GSAP: variants seen among roughly 807,000 people sequenced by gnomAD.
The protein encoded by GSAP is gamma-secretase activating protein.
GSAP carries 118 observed loss-of-function variants against 131.7 expected under a neutral mutation model. The ratio of observed to expected loss-of-function variants is 0.90; its 90% CI spans 0.77 to 1.04. The LOEUF (loss-of-function observed/expected upper bound fraction) is 1.04, where lower values mean the gene tolerates loss of function less well. Among genes scored for constraint, GSAP ranks in the 50% least tolerant of loss-of-function variants. The probability of loss-of-function intolerance (pLI) is 0.00; values close to 1 mark genes in which losing one functional copy is unlikely to be tolerated. For missense variants in GSAP, 1,019 were observed against 1,013.2 expected, an observed-to-expected ratio of 1.01 and a Z score of -0.08; for synonymous variants, 381 against 363.4, an observed-to-expected ratio of 1.05 and a Z score of -0.55.
intron 19 of GSAP, among the ~76,000 whole-genome samples, chr7:77,334,603 A>AAAAAAAAAAAAAAAAAAAAAAAAAAAC: frequency 6.7e-6 from 1 of 150,052 alleles, no homozygotes; most frequent in Non-Finnish European, 1.5e-5. Flanking sequence ...AAAAAAAAAA[A>AAAAAAAAAAAAAAAAAAAAAAAAAAAC]AAAGATGAAC....
intron 1 of GSAP, among the ~76,000 whole-genome samples, chr7:77,414,933 C>A (rs1804051241): frequency 7.5e-6 from 1 of 133,178 alleles, no homozygotes; most frequent in Non-Finnish European, 1.5e-5. Flanking sequence ...TCTCGGCTCA[C>A]TGCAACCTCT....
At chr7:77,392,148 G>A (rs928182976) in intron 5 of GSAP, among the ~76,000 whole-genome samples, 3 of 151,860 alleles carry the variant, frequency 2.0e-5, no homozygotes, top group Non-Finnish European at 4.4e-5. Flanking sequence ...TCTGAACCTG[G>A]GAGGCGGAGG....
intron 3 of GSAP, among the ~76,000 whole-genome samples, chr7:77,398,236 T>A (rs548000394): frequency 6.6e-6 from 1 of 152,262 alleles, no homozygotes; most frequent in African/African-American, 2.4e-5. Context: ...GTTACTAGTA[T>A]CTGCACACTA....
chr7:77,322,113 C>T (rs920168390), intron 24 of GSAP, among the ~76,000 whole-genome samples: 10 of 152,330 alleles, frequency 6.6e-5, no homozygotes, highest in African/African-American at 1.2e-4. Context: ...GGGCTAAAAA[C>T]GGGGCAAAGC....
intron 3 of GSAP, among the ~76,000 whole-genome samples, chr7:77,397,661 T>C (rs1252515895): frequency 6.6e-6 from 1 of 152,194 alleles, no homozygotes; most frequent in African/African-American, 2.4e-5. Flanking sequence ...GTTAACAGCA[T>C]AGACATTGGA....
intron 22 of GSAP, chr7:77,328,341 G>A: frequency 8.2e-7 from 1 of 1,220,382 alleles, no homozygotes; most frequent in Non-Finnish European, 1.0e-6. Flanking sequence ...AGCTCTGTAT[G>A]ACAGGAAATA....
In GSAP at chr7:77,368,107, A is replaced by G. The variant is rs374769414; in HGVS notation, c.872-5447T>C. Reference sequence around the variant, plus strand: ...TCTTCTCTCGTCTTCTTAGTCTAGCATGGGTTCCTGGAGTTGTACATTTAC... The same window carrying G: ...TCTTCTCTCGTCTTCTTAGTCTAGCGTGGGTTCCTGGAGTTGTACATTTAC... On this transcript the variant is annotated intron_variant, in intron 12 of 30. Coordinates refer to ENST00000257626, the MANE Select transcript of GSAP (RefSeq NM_017439.4). Among the ~76,000 whole-genome samples the G allele has an allele frequency of 1.1e-4, 17 of 152,144 alleles. 2 individuals are homozygous for G. Among genetic ancestry groups the G allele is most frequent in the Admixed American group, 9.8e-4 (15 of 15,280 alleles).
At chr7:77,334,681 A>C (rs1299886660) in intron 19 of GSAP, among the ~76,000 whole-genome samples, 3 of 151,888 alleles carry the variant, frequency 2.0e-5, no homozygotes, top group Non-Finnish European at 4.4e-5. Flanking sequence ...TGTACTCATC[A>C]GGAACAACAG....
In GSAP at chr7:77,392,149, G is replaced by A. The variant is rs370504390; in HGVS notation, c.368-4701C>T. Among the ~76,000 whole-genome samples, 597 of 151,912 alleles carry A rather than the reference G, an allele frequency of 3.9e-3. 6 individuals are homozygous for A. The highest frequency in any genetic ancestry group is 7.4e-3 in the African/African-American group (305 of 41,400). ...CTGAGGCAGGAGAATCTGAACCTGG[G>A]AGGCGGAGGTTACAGTGAGCCGAGA... On this transcript the variant is annotated intron_variant, in intron 5 of 30. Transcript: ENST00000257626.
At chr7:77,384,174 T>C (rs1237441170) in intron 6 of GSAP, among the ~76,000 whole-genome samples, 1 of 152,132 alleles carries the variant, frequency 6.6e-6, no homozygotes, top group Non-Finnish European at 1.5e-5. Context: ...CCTCAAAATA[T>C]GGAGATATCT....
chr7:77,351,381 T>C, intron 18 of GSAP: 5 of 970,356 alleles, frequency 5.2e-6, no homozygotes, highest in Non-Finnish European at 6.1e-6. Context: ...CCTACAAAAA[T>C]GTGAAATCCA....
intron 19 of GSAP, among the ~76,000 whole-genome samples, chr7:77,331,105 A>G (rs900871247): frequency 1.3e-5 from 2 of 152,104 alleles, no homozygotes; most frequent in African/African-American, 4.8e-5. Flanking sequence ...CGAAGTCAGG[A>G]GATCGAGACC....
At chr7:77,353,118 C>T in intron 17 of GSAP, 92 bp from the exon 18 acceptor site, 2 of 719,142 alleles carry the variant, frequency 2.8e-6, no homozygotes, top group Non-Finnish European at 5.0e-6. Flanking sequence ...CGCAAACCAA[C>T]AAAGTTTTCA....
At position 77,329,359 on chromosome 7, in the gene GSAP, C is replaced by T. The variant is rs201616068; in HGVS notation, c.1707G>A (p.Val569=). 5.0e-5 allele frequency: 79 copies of T among 1,586,174 alleles called. No individual in the cohort carries two copies. The African/African-American group carries it at 9.7e-4, about 19-fold the overall frequency. ...TTACTGCATTATCAAGAATATTCCT[C>T]ACGTATGCCGCAGACCTTCTTTTTC... ...KTGKRRSAAY[V]RNILDNAVKV... Residue 569 remains valine (V), a synonymous_variant, in exon 21 of 31, where the codon GTG becomes GTA. Coordinates refer to ENST00000257626, the MANE Select transcript of GSAP (RefSeq NM_017439.4).
intron 8 of GSAP, among the ~76,000 whole-genome samples, chr7:77,378,435 G>T (rs1296906287): frequency 6.6e-6 from 1 of 151,758 alleles, no homozygotes; most frequent in East Asian, 1.9e-4. Context: ...AGTGAGCCAA[G>T]ATCCCACCAC....
At position 77,328,432 on chromosome 7, in the gene GSAP, A is replaced by C. The variant is rs1788621648; in HGVS notation, c.1765+174T>G. Reference sequence around the variant, plus strand: ...GCTGTCCCCGGAGGTCCTGGTGCCTAGACAGACATGGGAAGAGCCGTGCGG... The same window carrying C: ...GCTGTCCCCGGAGGTCCTGGTGCCTCGACAGACATGGGAAGAGCCGTGCGG... On this transcript the variant is annotated intron_variant, in intron 22 of 30. Transcript: ENST00000257626. The C allele has an allele frequency of 8.3e-6, 11 of 1,324,186 alleles. No individual in the cohort carries two copies. The South Asian group carries it at 2.0e-4, about 25-fold the overall frequency. 82.0% of individuals were successfully genotyped at this position (1,324,186 alleles called of 1,614,324 possible). A position where few individuals can be genotyped will look rare whatever the true frequency, so the allele number is the denominator to read the frequency against.
At chr7:77,385,499 A>G (rs1682301864) in intron 6 of GSAP, among the ~76,000 whole-genome samples, 1 of 152,134 alleles carries the variant, frequency 6.6e-6, no homozygotes, top group African/African-American at 2.4e-5. Context: ...AGTTACCCCA[A>G]TCCTTCAGTC....
intron 10 of GSAP, among the ~76,000 whole-genome samples, chr7:77,375,854 A>C (rs999762078): frequency 6.6e-6 from 1 of 151,806 alleles, no homozygotes; most frequent in Non-Finnish European, 1.5e-5. Context: ...AAAAAAAAAA[A>C]AAAACAAACA....
chr7:77,371,521 G>A (rs181535148), intron 12 of GSAP, among the ~76,000 whole-genome samples: 62 of 148,294 alleles, frequency 4.2e-4, no homozygotes, highest in Middle Eastern at 3.5e-3. Context: ...TGCAACCTCC[G>A]CCTCTTGGGT....
Sources: gnomAD v4.1 joint callset for allele counts (sites outside exome capture counted in the v4.1 genomes callset) on GRCh38, gnomAD v4.1.1 for gene constraint, MANE v1.5 for transcripts, NCBI Gene and HGNC (gene_info 2026-07-23, HGNC 2026-07-21) for gene names.